The following FHIP1B variants were observed in gnomAD, a reference collection of about 807,000 sequenced individuals.
FHIP1B encodes the protein FHF complex subunit HOOK-interacting protein 1B.
Under a neutral mutation model 82.2 loss-of-function variants are expected in FHIP1B, and 28 were observed. The observed-to-expected ratio is 0.34, with a 90% CI of 0.25 to 0.47. The LOEUF (loss-of-function observed/expected upper bound fraction) is 0.47. FHIP1B is among the 20% of genes least tolerant of loss of function. The pLI is 1.00. For missense variants in FHIP1B, 1,110 were observed against 1,262.6 expected, an observed-to-expected ratio of 0.88 and a Z score of 1.83; for synonymous variants, 585 against 516.1, an observed-to-expected ratio of 1.13 and a Z score of -1.81.
Position 6,231,574 on chromosome 11 carries a change from A to C in FHIP1B, c.-192+2970T>G, listed in dbSNP as rs141301182. ...CAACCTCTGCCTCCCAGGCTCAAGC[A>C]ATCCTCCCACCTCAGCCTCCGGAGT... On this transcript the variant is annotated intron_variant, in intron 1 of 11. Transcript: ENST00000449352. Among the ~76,000 whole-genome samples the C allele has an allele frequency of 3.5e-3, 525 of 149,954 alleles. 1 individual carries two copies. The highest frequency in any genetic ancestry group is 0.012 in the African/African-American group (495 of 40,632).
At position 6,223,692 on chromosome 11, in the gene FHIP1B, T is replaced by C. The variant is rs1176079359; in HGVS notation, c.695A>G (p.Asp232Gly). ...CAAAGCCATGAGAAGAAGTAGGGCA[T>C]CACGGGCCTGCTGGCCCAGGGTGCC... ...REGTLGQQAR[D>G]ALLLLMALSA... Residue 232 changes from aspartate (D) to glycine (G), a missense_variant, in exon 3 of 12, where the codon GAT becomes GGT. Physicochemically the swap from Asp to Gly is moderately conservative, Grantham distance 94. Coordinates refer to ENST00000449352, the MANE Select transcript of FHIP1B (RefSeq NM_001098794.2). The surrounding 1 kb of genome is among the most constrained non-coding windows in gnomAD (Gnocchi z 4.8). 6.2e-7 allele frequency: 1 copy of C among 1,614,124 alleles called. No homozygotes were observed. The highest frequency in any genetic ancestry group is 2.2e-5 in the East Asian group (1 of 44,866).
Position 6,217,977 on chromosome 11 carries a change from G to A in FHIP1B, c.1609C>T (p.Arg537Trp), listed in dbSNP as rs148185483. ...CCAGGCTCCTCTGCAGGGGTAGGCC[G>A]TCGGCCAGGGCTGGAGGCGGGGGAT... The part of the protein sequence containing the change: ...SASPASSPGR[R>W]PTPAEEPGEL... Residue 537 changes from arginine (R) to tryptophan (W), a missense_variant, in exon 9 of 12, where the codon CGG (arginine) becomes TGG (tryptophan). Around this residue, in one of 6 missense-constraint regions of FHIP1B, gnomAD observed 418 missense variants for 371.4 expected, o/e 1.13. Transcript: ENST00000449352. 63 of 1,613,292 alleles carry A rather than the reference G, an allele frequency of 3.9e-5. No individual in the cohort carries two copies. Among genetic ancestry groups the A allele is most frequent in the African/African-American group, 2.0e-4 (15 of 75,046 alleles).
At chr11:6,229,939 AC>A (rs1847655129) in intron 1 of FHIP1B, among the ~76,000 whole-genome samples, 1 of 135,804 alleles carries the variant, frequency 7.4e-6, no homozygotes, top group African/African-American at 2.8e-5. Flanking sequence ...TAAAATCACC[AC>A]CCTCTCATGG....
Position 6,223,677 on chromosome 11 carries a change from A to G in FHIP1B, c.710T>C (p.Leu237Pro). Reference sequence around the variant, plus strand: ...GGGGCTCCCAGCTGACAAAGCCATGAGAAGAAGTAGGGCATCACGGGCCTG... The same window carrying G: ...GGGGCTCCCAGCTGACAAAGCCATGGGAAGAAGTAGGGCATCACGGGCCTG... Reference protein sequence around the residue: ...GQQARDALLLLMALSAGSPTV... With the variant: ...GQQARDALLLPMALSAGSPTV... Residue 237 changes from leucine to proline, a missense_variant, in exon 3 of 12, where the codon CTC (leucine) becomes CCC (proline). Physicochemically the swap from Leu to Pro is moderately conservative, Grantham distance 98 (BLOSUM62 -3). Transcript: ENST00000449352. This position sits in a 1 kb window ranked among gnomAD's most constrained non-coding sequence, Gnocchi z 4.8. The G allele has an allele frequency of 6.2e-7, 1 of 1,613,256 alleles. No homozygotes were observed. The highest frequency in any genetic ancestry group is 1.1e-5 in the South Asian group (1 of 91,060).
Position 6,222,840 on chromosome 11 carries a change from C to A in FHIP1B, c.994G>T (p.Val332Leu). ...LVDYIHNGFL[V>L]PVMGPALHKT... ...TGCAAGGCAGGACCCATGACAGGCA[C>A]CAGGAACCCATTATGGATATAATCA... The change falls in exon 5 of 12, where the codon GTG becomes TTG. Residue 332 changes from valine (V) to leucine (L), a missense_variant. Val to Leu is a conservative substitution (Grantham distance 32, BLOSUM62 1). Coordinates refer to ENST00000449352, the MANE Select transcript of FHIP1B (RefSeq NM_001098794.2). 3.1e-6 allele frequency: 5 copies of A among 1,614,080 alleles called. No individual in the cohort carries two copies. The South Asian group carries it at 4.4e-5, about 14-fold the overall frequency.
rs747432126 is a variant in FHIP1B at position 6,217,670 on chromosome 11, G to A, written c.1916C>T (p.Pro639Leu). 4.3e-6 allele frequency: 7 copies of A among 1,613,790 alleles called. No homozygotes were observed. Among genetic ancestry groups the A allele is most frequent in the Non-Finnish European group, 5.1e-6 (6 of 1,179,982 alleles). ...CTTGGCCCCCTCAGGCCATGATCCT[G>A]GCACTCCATTGAGCTGGGGAGGGGG... ...HLPPPQLNGVPGSWPEGAKKV... is the reference protein window; with the variant it reads ...HLPPPQLNGVLGSWPEGAKKV... Residue 639 changes from proline to leucine, a missense_variant, in exon 9 of 12, where the codon CCA (proline) becomes CTA (leucine). Around this residue, in one of 6 missense-constraint regions of FHIP1B, gnomAD observed 418 missense variants for 371.4 expected, o/e 1.13. Transcript: ENST00000449352.
intron 1 of FHIP1B, among the ~76,000 whole-genome samples, chr11:6,228,910 G>C (rs528905176): frequency 6.6e-6 from 1 of 152,302 alleles, no homozygotes; most frequent in South Asian, 2.1e-4. Flanking sequence ...GTTGAGAAAA[G>C]TGGTAAGCAC....
chr11:6,216,253 C>G (rs987557198), intron 9 of FHIP1B, among the ~76,000 whole-genome samples: 3 of 152,198 alleles, frequency 2.0e-5, no homozygotes, highest in Non-Finnish European at 2.9e-5. Context: ...GCTGTATGAG[C>G]AGGATGGCCA....
intron 9 of FHIP1B, 60 bp downstream of exon 9, chr11:6,217,311 A>G (rs1403492844): frequency 6.6e-7 from 1 of 1,508,110 alleles, no homozygotes; most frequent in Non-Finnish European, 9.2e-7. Context: ...AAACCAGCAC[A>G]AACATGTCGA....
intron 6 of FHIP1B, among the ~76,000 whole-genome samples, chr11:6,221,747 G>C (rs1847413680): frequency 6.6e-6 from 1 of 152,070 alleles, no homozygotes; most frequent in Non-Finnish European, 1.5e-5. Flanking sequence ...TCTTCAGAGA[G>C]GTCTTCCTTG....
intron 1 of FHIP1B, 72 bp from the exon 2 acceptor site, chr11:6,224,779 C>T: frequency 2.1e-6 from 1 of 478,948 alleles, no homozygotes; most frequent in South Asian, 2.8e-5. Flanking sequence ...CACCACTCCA[C>T]TGAAAACTCC....
chr11:6,214,669 C>T, intron 10 of FHIP1B, 64 bp downstream of exon 10: 2 of 1,547,180 alleles, frequency 1.3e-6, no homozygotes, highest in East Asian at 2.3e-5. Flanking sequence ...CCCAGGGTCA[C>T]TCCAGCTGCG....
chr11:6,230,102 T>C (rs960876920), intron 1 of FHIP1B, among the ~76,000 whole-genome samples: 3 of 152,046 alleles, frequency 2.0e-5, no homozygotes, highest in Non-Finnish European at 4.4e-5. Flanking sequence ...ACTCACCTTA[T>C]AGCCCAAAAT....
intron 1 of FHIP1B, among the ~76,000 whole-genome samples, chr11:6,225,360 G>A (rs537027425): frequency 6.6e-5 from 10 of 152,122 alleles, no homozygotes; most frequent in East Asian, 1.9e-4. Flanking sequence ...GTCATTGCTC[G>A]TTTTGTTTGT....
rs753131011 is a variant in FHIP1B at position 6,217,437 on chromosome 11, G to C, written c.2149C>G (p.Pro717Ala). The change falls in exon 9 of 12, where the codon CCC becomes GCC. Residue 717 changes from proline to alanine, a missense_variant. This residue lies in a region of FHIP1B where 418 missense variants were observed against 371.4 expected (regional missense o/e 1.13). Coordinates refer to ENST00000449352, the MANE Select transcript of FHIP1B (RefSeq NM_001098794.2). ...AYESFTCPPEPPGPFLSSPLR... is the reference protein window; with the variant it reads ...AYESFTCPPEAPGPFLSSPLR... ...GGGCTGCTGAGGAAGGGGCCAGGGG[G>C]CTCAGGGGGACAGGTGAAGCTCTCG... is the stretch of plus-strand genomic sequence containing the variant. The C allele has an allele frequency of 5.6e-6, 9 of 1,614,026 alleles. No individual in the cohort carries two copies. In the Admixed American group the frequency reaches 1.5e-4, roughly 27 times the overall value.
intron 6 of FHIP1B, among the ~76,000 whole-genome samples, 191 bp from the exon 7 acceptor site, chr11:6,219,241 C>T (rs1847340990): frequency 6.6e-6 from 1 of 152,220 alleles, no homozygotes; most frequent in African/African-American, 2.4e-5. Context: ...ACGATCTTTG[C>T]GAGCAAGACT....
Position 6,219,785 on chromosome 11 carries a change from G to A in FHIP1B, c.1192-735C>T, listed in dbSNP as rs545344233. Among the ~76,000 whole-genome samples the A allele has an allele frequency of 3.9e-5, 6 of 152,306 alleles. No homozygotes were observed. The East Asian group carries it at 9.6e-4, about 24-fold the overall frequency. ...TCTATACTTCCCTTACAGCAAGTGT[G>A]TCAGACACCTTGAGCTCCCTGAAGA... On this transcript the variant is annotated intron_variant, in intron 6 of 11. Transcript: ENST00000449352.
intron 1 of FHIP1B, among the ~76,000 whole-genome samples, chr11:6,228,495 AAAT>A (rs1398489747): frequency 2.6e-5 from 4 of 152,228 alleles, no homozygotes; most frequent in African/African-American, 4.8e-5. Context: ...AGTTATAAAT[AAAT>A]AAGATAGAGA....
At chr11:6,216,598 C>T (rs909636447) in intron 9 of FHIP1B, 5 of 156,418 alleles carry the variant, frequency 3.2e-5, no homozygotes, top group South Asian at 4.0e-4. Context: ...TTTAGAATGG[C>T]GGGGTAAGCT....
Sources: gnomAD v4.1 joint callset for allele counts (sites outside exome capture counted in the v4.1 genomes callset) on GRCh38, gnomAD v4.1.1 for gene constraint, gnomAD v4.1.1 regional missense constraint, Gnocchi (gnomAD v3.1) non-coding constraint, MANE v1.5 for transcripts, NCBI Gene and HGNC (gene_info 2026-07-23, HGNC 2026-07-21) for gene names.